The following SLC14A2 variants were observed in gnomAD, a reference collection of about 807,000 sequenced individuals.
SLC14A2 encodes the protein urea transporter 2.
A neutral mutation model predicts 104.6 loss-of-function variants in SLC14A2; 91 were observed. The ratio of observed to expected loss-of-function variants is 0.87; its 90% CI spans 0.73 to 1.04. The LOEUF is 1.04. Ranked by LOEUF, SLC14A2 falls within the 50% of genes least tolerant of loss-of-function variation. The pLI is 0.00. For missense variants in SLC14A2, 1,189 were observed against 1,156.0 expected (o/e 1.03, Z -0.41); for synonymous variants, 476 against 466.4 (o/e 1.02, Z -0.27).
intron 2 of SLC14A2, among the ~76,000 whole-genome samples, chr18:45,524,448 C>T (rs2043562016): frequency 6.6e-6 from 1 of 152,124 alleles, no homozygotes; most frequent in African/African-American, 2.4e-5. Flanking sequence ...AGGGATGTGC[C>T]CTTGATGGGG....
chr18:45,240,091 C>CTTT (rs763802776), intron 1 of SLC14A2, among the ~76,000 whole-genome samples: 1,225 of 89,630 alleles, frequency 0.014, 99 homozygotes, highest in African/African-American at 0.052. Flanking sequence ...GCAAATATCT[C>CTTT]TTTTTTTTTT....
intron 2 of SLC14A2, among the ~76,000 whole-genome samples, chr18:45,608,731 C>G (rs959958324): frequency 1.2e-4 from 19 of 152,214 alleles, no homozygotes; most frequent in African/African-American, 4.6e-4. Context: ...CCAGCCACTT[C>G]CAGCATGCAC....
chr18:45,574,226 A>C (rs139007395), intron 2 of SLC14A2, among the ~76,000 whole-genome samples: 1 of 152,286 alleles, frequency 6.6e-6, no homozygotes, highest in Non-Finnish European at 1.5e-5. Flanking sequence ...TTGTGTATGC[A>C]TGTGTGTGTA....
chr18:45,350,028 A>G (rs2085486777), intron 1 of SLC14A2, among the ~76,000 whole-genome samples: 1 of 152,236 alleles, frequency 6.6e-6, no homozygotes, highest in African/African-American at 2.4e-5. Flanking sequence ...GGCACCAAAG[A>G]GGATTTAAGA....
At chr18:45,565,047 G>T (rs1461608268) in intron 2 of SLC14A2, among the ~76,000 whole-genome samples, 1 of 61,198 alleles carries the variant, frequency 1.6e-5, no homozygotes, top group Non-Finnish European at 3.1e-5. Context: ...ACATGTGGGT[G>T]ATGTGTGTGT....
chr18:45,395,226 A>G (rs1015122792), intron 1 of SLC14A2, among the ~76,000 whole-genome samples: 4 of 152,240 alleles, frequency 2.6e-5, no homozygotes, highest in African/African-American at 9.6e-5. Flanking sequence ...ATCCTGTCAT[A>G]GGCTATAATA....
chr18:45,322,402 T>A (rs1210407391), intron 1 of SLC14A2, among the ~76,000 whole-genome samples: 1 of 152,196 alleles, frequency 6.6e-6, no homozygotes, highest in Non-Finnish European at 1.5e-5. Flanking sequence ...AAAAAAACAT[T>A]TCCAAGGACA....
intron 1 of SLC14A2, among the ~76,000 whole-genome samples, chr18:45,479,884 G>A (rs1248754453): frequency 6.6e-6 from 1 of 152,160 alleles, no homozygotes; most frequent in Non-Finnish European, 1.5e-5. Flanking sequence ...AGGGAGGAAG[G>A]ATCCTCTGGG....
intron 2 of SLC14A2, among the ~76,000 whole-genome samples, chr18:45,600,469 C>T (rs2044772427): frequency 6.6e-6 from 1 of 152,166 alleles, no homozygotes; most frequent in Non-Finnish European, 1.5e-5. Context: ...GGCCCTCCAC[C>T]TCAACCACAA....
chr18:45,276,665 A>G (rs2084706074), intron 1 of SLC14A2, among the ~76,000 whole-genome samples: 1 of 152,242 alleles, frequency 6.6e-6, no homozygotes, highest in Admixed American at 6.5e-5. Flanking sequence ...ACAATTTGGA[A>G]CAAGCTTAAA....
chr18:45,212,446 G>A (rs1251384796), upstream of SLC14A2, among the ~76,000 whole-genome samples: 2 of 152,054 alleles, frequency 1.3e-5, no homozygotes, highest in Non-Finnish European at 2.9e-5. Context: ...GTGAAAATGG[G>A]GCAATAGTAG....
At chr18:45,185,764 T>C in the SLC14A2 span, among the ~76,000 whole-genome samples, 2 of 152,144 alleles carry the variant, frequency 1.3e-5, no homozygotes, top group Non-Finnish European at 2.9e-5. Context: ...GAAAAAGTTA[T>C]GAGAACTAAT....
chr18:45,297,392 C>T (rs1208556414), intron 1 of SLC14A2, among the ~76,000 whole-genome samples: 1 of 152,236 alleles, frequency 6.6e-6, no homozygotes, highest in Non-Finnish European at 1.5e-5. Flanking sequence ...CATCCTTCGA[C>T]AGGATTCTTA....
chr18:45,462,033 A>G (rs2087054496), intron 1 of SLC14A2, among the ~76,000 whole-genome samples: 1 of 152,198 alleles, frequency 6.6e-6, no homozygotes. Context: ...TGCTACCTGG[A>G]AGAAACCTGG....
chr18:45,542,703 T>C (rs1019730178), intron 2 of SLC14A2, among the ~76,000 whole-genome samples: 3 of 152,108 alleles, frequency 2.0e-5, no homozygotes, highest in African/African-American at 7.2e-5. Flanking sequence ...AATCTCTTAC[T>C]TCACAGATGA....
At chr18:45,270,310 T>G (rs2084638654) in intron 1 of SLC14A2, among the ~76,000 whole-genome samples, 1 of 152,116 alleles carries the variant, frequency 6.6e-6, no homozygotes, top group Admixed American at 6.6e-5. Context: ...TTGCACCCAG[T>G]TTTTTTAGTT....
At chr18:45,419,597 A>T (rs1417542168) in intron 1 of SLC14A2, among the ~76,000 whole-genome samples, 1 of 152,110 alleles carries the variant, frequency 6.6e-6, no homozygotes, top group Non-Finnish European at 1.5e-5. Context: ...AATGTGGTGA[A>T]ACCCCACCTG....
intron 1 of SLC14A2, among the ~76,000 whole-genome samples, chr18:45,468,538 T>G (rs1015892941): frequency 2.0e-5 from 3 of 151,972 alleles, no homozygotes; most frequent in Non-Finnish European, 4.4e-5. Context: ...ATTTTCCTAT[T>G]TGTAAAATTA....
chr18:45,270,674 T>C (rs1013125263), intron 1 of SLC14A2, among the ~76,000 whole-genome samples: 8 of 152,112 alleles, frequency 5.3e-5, no homozygotes, highest in Non-Finnish European at 1.2e-4. Context: ...CTGGCACTGA[T>C]AAAGAAAACT....
Sources: allele counts gnomAD v4.1 joint callset (sites outside exome capture counted in the v4.1 genomes callset), GRCh38; gene constraint gnomAD v4.1.1; transcripts MANE v1.5; gene names NCBI Gene and HGNC (gene_info 2026-07-23, HGNC 2026-07-21).